RTCA: variants seen among roughly 807,000 people sequenced by gnomAD.
RTCA encodes RNA 3'-terminal phosphate cyclase.
A neutral mutation model predicts 46.1 loss-of-function variants in RTCA; 37 were observed. The ratio of observed to expected loss-of-function variants is 0.80; its 90% CI spans 0.62 to 1.06. RTCA has a LOEUF of 1.06. Ranked by LOEUF, RTCA falls within the 50% of genes least tolerant of loss-of-function variation. The probability of loss-of-function intolerance (pLI) is 0.00; values close to 1 mark genes in which losing one functional copy is unlikely to be tolerated. For missense variants in RTCA, 435 were observed against 455.5 expected, an observed-to-expected ratio of 0.95 and a Z score of 0.41; for synonymous variants, 164 against 158.3, an observed-to-expected ratio of 1.04 and a Z score of -0.27.
intron 8 of RTCA, among the ~76,000 whole-genome samples, chr1:100,283,922 T>TAAAAAAAAAAAAAAAAAAAAAAAAAAAAA (rs562483681): frequency 8.8e-5 from 1 of 11,332 alleles, no homozygotes; most frequent in Non-Finnish European, 1.7e-4. Flanking sequence ...ACCTAGTCGC[T>TAAAAAAAAAAAAAAAAAAAAAAAAAAAAA]AAAAAAAAAA....
rs577734619 is a variant in RTCA, at chr1:100,283,860, G to A, written c.800-1368G>A. Among the ~76,000 whole-genome samples the A allele has an allele frequency of 3.4e-5, 5 of 146,638 alleles. No individual in the cohort carries two copies. In the East Asian group the frequency reaches 1.0e-3, roughly 29 times the overall value. ...TCTAACACTTTGGGAGGCTGAAGCG[G>A]GAGGATCACTTGAGTTCAGGAGTTT... On this transcript the variant is annotated intron_variant, in intron 8 of 10. Coordinates refer to ENST00000370128, the MANE Select transcript of RTCA (RefSeq NM_003729.4).
chr1:100,287,616 TA>T (rs1241034863), intron 10 of RTCA, among the ~76,000 whole-genome samples: 3 of 152,128 alleles, frequency 2.0e-5, no homozygotes, highest in Non-Finnish European at 2.9e-5. Context: ...TAGTTGGCTA[TA>T]AAAAAATTTA....
In RTCA at chr1:100,274,927, T is replaced by C. The variant is rs758122163; in HGVS notation, c.577T>C (p.Tyr193His). ...LTERGCVTKI[Y>H]GRAFVAGVLP... The stretch of plus-strand genomic sequence containing the variant: ...TGAGCGTGGCTGTGTGACTAAGATA[T>C]ATGGAAGAGCTTTCGTTGCTGGTGT... The change falls in exon 6 of 11, where the codon TAT becomes CAT. Residue 193 changes from tyrosine to histidine, a missense_variant. Tyr to His is a moderately conservative substitution (Grantham distance 83). Transcript: ENST00000370128. 3.1e-6 allele frequency: 5 copies of C among 1,611,930 alleles called. No homozygotes were observed. Among genetic ancestry groups the C allele is most frequent in the Middle Eastern group, 1.7e-4 (1 of 6,052 alleles).
chr1:100,285,441 T>A, intron 9 of RTCA, 119 bp downstream of exon 9: 1 of 651,112 alleles, frequency 1.5e-6, no homozygotes, highest in Non-Finnish European at 2.6e-6. Flanking sequence ...ACTTCAATAA[T>A]TTAAAAAAAT....
chr1:100,292,675 A>G lies in RTCA; in HGVS notation c.*1171A>G, dbSNP rs943731301. The G allele has an allele frequency of 1.3e-5, 2 of 152,194 alleles. No individual in the cohort carries two copies. The highest frequency in any genetic ancestry group is 4.8e-5 in the African/African-American group (2 of 41,446). The allele number at this position is 152,194 out of a possible 1,614,324, so 9.4% of individuals were successfully genotyped here. ...GAAGCCAAACAATTAAGAGAAGTAA[A>G]ATTTTAACCCTAGTAGGTTTCGCAG... On this transcript the variant is annotated 3_prime_UTR_variant, in exon 11 of 11. Transcript: ENST00000370128.
At chr1:100,283,160 C>CTTTTTTTT (rs71084815) in intron 8 of RTCA, among the ~76,000 whole-genome samples, 59 of 102,060 alleles carry the variant, frequency 5.8e-4, no homozygotes, top group African/African-American at 1.2e-3. Context: ...CCAAATATTC[C>CTTTTTTTT]TTTTTTTTTT....
chr1:100,276,675 CA>C (rs71590284), intron 7 of RTCA, among the ~76,000 whole-genome samples: 1 of 151,402 alleles, frequency 6.6e-6, no homozygotes, highest in African/African-American at 2.4e-5. Context: ...GACTCCATCT[CA>C]AAAAAAACCA....
At chr1:100,275,465 C>A in intron 6 of RTCA, 134 bp from the exon 7 acceptor site, 1 of 574,026 alleles carries the variant, frequency 1.7e-6, no homozygotes, top group Non-Finnish European at 2.9e-6. Flanking sequence ...AAATTCAGTG[C>A]TCTCTTGAAA....
intron 3 of RTCA, among the ~76,000 whole-genome samples, chr1:100,269,608 C>G (rs1248448221): frequency 6.6e-6 from 1 of 152,058 alleles, no homozygotes; most frequent in Non-Finnish European, 1.5e-5. Flanking sequence ...TGCTGGGATA[C>G]AGGCATGAGC....
intron 2 of RTCA, chr1:100,267,476 CA>C: frequency 6.6e-7 from 1 of 1,520,872 alleles, no homozygotes; most frequent in Non-Finnish European, 8.9e-7. Flanking sequence ...GGAGCTTAAA[CA>C]ACAGAAATTT....
At chr1:100,281,458 C>A in intron 8 of RTCA, 1 of 376,288 alleles carries the variant, frequency 2.7e-6, no homozygotes. Context: ...TTAAGGATCC[C>A]TTCCAACTTT....
intron 4 of RTCA, among the ~76,000 whole-genome samples, chr1:100,271,488 A>T (rs1371062857): frequency 6.6e-6 from 1 of 152,070 alleles, no homozygotes; most frequent in African/African-American, 2.4e-5. Context: ...AAACACCTCG[A>T]GTGTGATATA....
intron 3 of RTCA, among the ~76,000 whole-genome samples, chr1:100,268,552 T>C (rs1397333882): frequency 4.6e-5 from 7 of 152,046 alleles, no homozygotes; most frequent in Non-Finnish European, 1.0e-4. Flanking sequence ...CACAGCACCA[T>C]GCCCCGCTAA....
chr1:100,291,553 T>G lies in RTCA; in HGVS notation c.*49T>G, dbSNP rs779818049. Reference sequence around the variant, plus strand: ...CTCATTGATATATTGCACTATTTCATAAATACTATAAAATAATGACTAGGA... The same window carrying G: ...CTCATTGATATATTGCACTATTTCAGAAATACTATAAAATAATGACTAGGA... On this transcript the variant is annotated 3_prime_UTR_variant, in exon 11 of 11. Transcript: ENST00000370128. 1 of 1,081,210 alleles carries G rather than the reference T, an allele frequency of 9.2e-7. No homozygotes were observed. Among genetic ancestry groups the G allele is most frequent in the African/African-American group, 1.6e-5 (1 of 62,634 alleles). The allele number at this position is 1,081,210 out of a possible 1,614,324, so 67.0% of individuals were successfully genotyped here. A position where few individuals can be genotyped will look rare whatever the true frequency, so the allele number is the denominator to read the frequency against.
At chr1:100,278,950 C>T (rs1339907512) in intron 8 of RTCA, among the ~76,000 whole-genome samples, 1 of 152,122 alleles carries the variant, frequency 6.6e-6, no homozygotes, top group African/African-American at 2.4e-5. Flanking sequence ...TTTTAACAAA[C>T]TTTCCAGGTA....
intron 8 of RTCA, among the ~76,000 whole-genome samples, chr1:100,283,922 TA>T (rs562483681): frequency 1.8e-4 from 2 of 11,392 alleles, no homozygotes; most frequent in African/African-American, 6.2e-4. Flanking sequence ...ACCTAGTCGC[TA>T]AAAAAAAAAA....
chr1:100,290,267 A>AT (rs1030765548), intron 10 of RTCA, among the ~76,000 whole-genome samples: 26 of 148,512 alleles, frequency 1.8e-4, no homozygotes, highest in South Asian at 4.3e-4. Context: ...AATTGTTTTG[A>AT]TTTTTTTTTT....
At chr1:100,277,778 A>G (rs903046756) in intron 8 of RTCA, among the ~76,000 whole-genome samples, 4 of 151,500 alleles carry the variant, frequency 2.6e-5, no homozygotes, top group African/African-American at 9.7e-5. Flanking sequence ...AATATTATTT[A>G]GAGCGATGTG....
At chr1:100,279,655 T>C (rs1666581921) in intron 8 of RTCA, among the ~76,000 whole-genome samples, 1 of 151,944 alleles carries the variant, frequency 6.6e-6, no homozygotes, top group South Asian at 2.1e-4. Context: ...GGCTCACACC[T>C]ATAGTCCCAG....
Sources: gnomAD v4.1 joint callset for allele counts (sites outside exome capture counted in the v4.1 genomes callset) on GRCh38, gnomAD v4.1.1 for gene constraint, MANE v1.5 for transcripts, NCBI Gene and HGNC (gene_info 2026-07-23, HGNC 2026-07-21) for gene names.